IKZF2: variants seen among roughly 807,000 people sequenced by gnomAD.
IKZF2 encodes IKAROS family zinc finger 2.
A neutral mutation model predicts 49.2 loss-of-function variants in IKZF2; 15 were observed. The ratio of observed to expected loss-of-function variants is 0.30; its 90% confidence interval spans 0.20 to 0.47. IKZF2 has a LOEUF of 0.47. Ranked by LOEUF, IKZF2 falls within the 20% of genes least tolerant of loss-of-function variation. The pLI, the probability that IKZF2 is intolerant of heterozygous loss-of-function variation, is 1.00. For synonymous variants in IKZF2, 227 were observed against 221.4 expected (o/e 1.03, Z -0.23); for missense variants, 567 against 664.6 (o/e 0.85, Z 1.61).
upstream of IKZF2, chr2:213,152,442 A>T (rs535367004): frequency 6.6e-6 from 1 of 152,388 alleles, no homozygotes; most frequent in African/African-American, 2.4e-5. Context: ...ATGAAGCTCA[A>T]CTATTACTAT....
chr2:213,054,243 CA>C (rs890845849), intron 5 of IKZF2, among the ~76,000 whole-genome samples: 16 of 145,844 alleles, frequency 1.1e-4, no homozygotes, highest in Middle Eastern at 7.0e-3. Context: ...GACTCCAACT[CA>C]AAAAAAAAAT....
At chr2:213,123,768 T>C (rs905747672) in intron 4 of IKZF2, among the ~76,000 whole-genome samples, 2 of 152,216 alleles carry the variant, frequency 1.3e-5, no homozygotes, top group South Asian at 4.2e-4. Context: ...AGACATAATA[T>C]ATATGTTAAG....
chr2:213,119,198 T>C (rs1249181334), intron 4 of IKZF2, among the ~76,000 whole-genome samples: 1 of 152,034 alleles, frequency 6.6e-6, no homozygotes. Context: ...GGGAAGTGGG[T>C]TTGCAAATGG....
chr2:213,095,541 T>A (rs1348309038), intron 4 of IKZF2, among the ~76,000 whole-genome samples: 1 of 152,054 alleles, frequency 6.6e-6, no homozygotes, highest in Admixed American at 6.6e-5. Flanking sequence ...CTGAAAAGAG[T>A]TTAAACATAG....
intron 4 of IKZF2, among the ~76,000 whole-genome samples, chr2:213,141,107 C>A (rs57422595): frequency 0.053 from 7,997 of 151,928 alleles, 688 homozygotes; most frequent in African/African-American, 0.18. Flanking sequence ...CCATCTATCC[C>A]GTAATTTAAA....
intron 6 of IKZF2, among the ~76,000 whole-genome samples, chr2:213,037,227 C>T (rs973762403): frequency 1.3e-5 from 2 of 152,158 alleles, no homozygotes; most frequent in East Asian, 3.8e-4. Flanking sequence ...TTCTTTAGAA[C>T]TCCTGATAAT....
At chr2:213,140,094 C>T (rs539199846) in intron 4 of IKZF2, among the ~76,000 whole-genome samples, 3 of 151,930 alleles carry the variant, frequency 2.0e-5, no homozygotes, top group South Asian at 2.1e-4. Flanking sequence ...GATCAATGAT[C>T]GAAAGATGAA....
intron 4 of IKZF2, among the ~76,000 whole-genome samples, chr2:213,093,276 T>C (rs2125655429): frequency 6.6e-6 from 1 of 152,246 alleles, no homozygotes. Flanking sequence ...CATGGCTCCT[T>C]CTCACCTCTC....
At chr2:213,129,096 C>T (rs2060380913) in intron 4 of IKZF2, among the ~76,000 whole-genome samples, 1 of 151,804 alleles carries the variant, frequency 6.6e-6, no homozygotes, top group South Asian at 2.1e-4. Context: ...ACAGAGAATT[C>T]TATTTATGGA....
chr2:213,094,716 C>T (rs914166480), intron 4 of IKZF2, among the ~76,000 whole-genome samples: 1 of 152,084 alleles, frequency 6.6e-6, no homozygotes, highest in Non-Finnish European at 1.5e-5. Context: ...ATTTTAGCAA[C>T]CAGTATAATC....
intron 4 of IKZF2, among the ~76,000 whole-genome samples, chr2:213,109,697 A>AT (rs1354633341): frequency 5.3e-5 from 8 of 152,158 alleles, no homozygotes; most frequent in Admixed American, 3.3e-4. Flanking sequence ...TAACACTACC[A>AT]TTATTATCAT....
At chr2:213,099,263 AAAT>A in intron 4 of IKZF2, among the ~76,000 whole-genome samples, 1 of 152,158 alleles carries the variant, frequency 6.6e-6, no homozygotes, top group East Asian at 1.9e-4. Context: ...CAAATATTGT[AAAT>A]ATTACTGTAA....
chr2:213,118,366 C>T (rs1002332285), intron 4 of IKZF2, among the ~76,000 whole-genome samples: 19 of 152,152 alleles, frequency 1.2e-4, no homozygotes, highest in South Asian at 2.1e-4. Flanking sequence ...TGACTGAGAA[C>T]TGCTTATCCA....
chr2:213,066,235 G>A (rs952548717), intron 4 of IKZF2, among the ~76,000 whole-genome samples: 7 of 152,076 alleles, frequency 4.6e-5, no homozygotes, highest in African/African-American at 1.2e-4. Context: ...CACTAAGGAC[G>A]CTTAAACAAG....
At chr2:213,103,679 T>C (rs1465849258) in intron 4 of IKZF2, among the ~76,000 whole-genome samples, 1 of 152,116 alleles carries the variant, frequency 6.6e-6, no homozygotes, top group Non-Finnish European at 1.5e-5. Context: ...CTTTGAATAA[T>C]TAGGGGAAAC....
In IKZF2 at chr2:213,138,470, A is replaced by T. The variant is rs72949919; in HGVS notation, c.139+9238T>A. Among the ~76,000 whole-genome samples, 564 of 152,148 alleles carry T rather than the reference A, an allele frequency of 3.7e-3. 5 individuals carry two copies. The highest frequency in any genetic ancestry group is 5.1e-3 in the Non-Finnish European group (349 of 67,894). On this transcript the variant is annotated intron_variant, in intron 4 of 8. Transcript: ENST00000434687. ...TTTTGGATTATTTCAACAACTAAGAAATCAAGTTTCCAAATTTTTTCAAGT... is the reference window on the plus strand; with the variant it reads ...TTTTGGATTATTTCAACAACTAAGATATCAAGTTTCCAAATTTTTTCAAGT...
intron 4 of IKZF2, among the ~76,000 whole-genome samples, chr2:213,111,162 T>C (rs539427461): frequency 5.3e-5 from 8 of 152,176 alleles, no homozygotes; most frequent in South Asian, 2.1e-4. Context: ...CTTTTAGATA[T>C]TGAATTTTAT....
In IKZF2 at chr2:213,087,407, A is replaced by C. The variant is rs532224001; in HGVS notation, c.140-30308T>G. Among the ~76,000 whole-genome samples the C allele has an allele frequency of 3.3e-5, 5 of 152,326 alleles. No individual in the cohort carries two copies. In the South Asian group the frequency reaches 6.2e-4, roughly 19 times the overall value. Reference sequence around the variant, plus strand: ...TTTGTAGTTCTGAGGAAAAAAATGCAACTCATTTAAAAAGAAAAAGTTGTT... The same window carrying C: ...TTTGTAGTTCTGAGGAAAAAAATGCCACTCATTTAAAAAGAAAAAGTTGTT... On this transcript the variant is annotated intron_variant, in intron 4 of 8. Transcript: ENST00000434687.
chr2:213,055,937 T>C (rs1701109618), intron 5 of IKZF2, among the ~76,000 whole-genome samples: 1 of 152,146 alleles, frequency 6.6e-6, no homozygotes, highest in Admixed American at 6.6e-5. Context: ...AATATTTTAC[T>C]GTACACTACA....
Sources: allele counts gnomAD v4.1 joint callset (sites outside exome capture counted in the v4.1 genomes callset), GRCh38; gene constraint gnomAD v4.1.1; transcripts MANE v1.5; gene names NCBI Gene and HGNC (gene_info 2026-07-23, HGNC 2026-07-21).